The following GAK variants were observed in gnomAD, a reference collection of about 807,000 sequenced individuals.
GAK encodes cyclin G associated kinase.
In GAK, 79 loss-of-function variants were observed where a neutral mutation model predicts 143.9. That is an observed-to-expected ratio of 0.55 (90% CI 0.46 to 0.66). GAK has a LOEUF of 0.66. Among genes scored for constraint, GAK ranks in the 30% least tolerant of loss-of-function variants. The probability of loss-of-function intolerance (pLI) is 0.00; values close to 1 mark genes in which losing one functional copy is unlikely to be tolerated. For missense variants in GAK, 1,693 were observed against 1,779.7 expected (o/e 0.95, Z 0.88); for synonymous variants, 881 against 765.5 (o/e 1.15, Z -2.49).
At chr4:868,508 G>A (rs1051661137) in intron 20 of GAK, 31 bp downstream of exon 20, 16 of 1,594,846 alleles carry the variant, frequency 1.0e-5, no homozygotes, top group East Asian at 2.2e-5. Context: ...CCTGCCCTCT[G>A]CAAGTGGCCA....
chr4:912,701 A>G (rs1722256826), intron 3 of GAK, 34 bp downstream of exon 3: 2 of 1,596,090 alleles, frequency 1.3e-6, no homozygotes, highest in Non-Finnish European at 8.6e-7. Context: ...TGCCAAAGCC[A>G]CCGTGCTGGC....
intron 12 of GAK, among the ~76,000 whole-genome samples, chr4:883,677 G>A (rs998364082): frequency 6.6e-6 from 1 of 152,254 alleles, no homozygotes; most frequent in Non-Finnish European, 1.5e-5. Flanking sequence ...ATCAGCCGGT[G>A]GCTGGGACTT....
At chr4:896,277 A>T (rs958182746) in intron 7 of GAK, among the ~76,000 whole-genome samples, 183 bp downstream of exon 7, 1 of 152,144 alleles carries the variant, frequency 6.6e-6, no homozygotes, top group African/African-American at 2.4e-5. Context: ...CTCCAAAAAA[A>T]CCCAAAAAAA....
intron 5 of GAK, among the ~76,000 whole-genome samples, chr4:903,317 T>G (rs1314365209): frequency 6.6e-6 from 1 of 152,130 alleles, no homozygotes; most frequent in African/African-American, 2.4e-5. Flanking sequence ...ACAGGAGAGA[T>G]GGGCAGGAGA....
rs1560462459 is a variant in GAK, at chr4:932,234, G to T, written c.-47C>A. ...CGCGGCAGCCGGAGTGGTCGGGCTC[G>T]GGCTCCCGCTCCCTCGCCGTCCGGG... On this transcript the variant is annotated 5_prime_UTR_variant, in exon 1 of 28. Transcript: ENST00000314167. The surrounding 1 kb of genome is among the most constrained non-coding windows in gnomAD (Gnocchi z 4.0). The T allele has an allele frequency of 2.7e-6, 4 of 1,484,026 alleles. No individual in the cohort carries two copies. Among genetic ancestry groups the T allele is most frequent in the South Asian group, 1.3e-5 (1 of 76,294 alleles). 91.9% of individuals were successfully genotyped at this position (1,484,026 alleles called of 1,614,324 possible).
chr4:923,409 C>G (rs1724202424), intron 1 of GAK, among the ~76,000 whole-genome samples: 2 of 152,212 alleles, frequency 1.3e-5, no homozygotes, highest in Middle Eastern at 3.2e-3. Flanking sequence ...TGGCTGACAC[C>G]TGCAATCCCA....
chr4:891,140 T>G (rs1434922320), intron 9 of GAK, among the ~76,000 whole-genome samples: 1 of 152,108 alleles, frequency 6.6e-6, no homozygotes, highest in Non-Finnish European at 1.5e-5. Flanking sequence ...TTTTGTATTT[T>G]AGTAGAGATG....
At position 851,874 on chromosome 4, in the gene GAK, G is replaced by C; in HGVS notation, c.3384C>G (p.Gly1128=). 1 of 1,610,290 alleles carries C rather than the reference G, an allele frequency of 6.2e-7. No individual in the cohort carries two copies. Among genetic ancestry groups the C allele is most frequent in the Non-Finnish European group, 8.5e-7 (1 of 1,177,644 alleles). ...GCTTGGCCTGAGGGGGCCATGAGGC[G>C]CCCTGGGCTGGCGGCCGACTTGTCT... ...SWQTSRPPAQ[G]ASWPPQAKPP... is the part of the protein sequence containing the mutation. Residue 1128 remains glycine (G), a synonymous_variant, in exon 25 of 28, where the codon GGC becomes GGG. Transcript: ENST00000314167.
At chr4:913,486 T>C in intron 2 of GAK, 121 bp downstream of exon 2, 1 of 783,910 alleles carries the variant, frequency 1.3e-6, no homozygotes, top group Admixed American at 2.0e-5. Context: ...AAGGGACAAG[T>C]ATGTCCAGGC....
At chr4:863,343 G>A (rs1275486597) in intron 23 of GAK, among the ~76,000 whole-genome samples, 2 of 152,256 alleles carry the variant, frequency 1.3e-5, no homozygotes, top group East Asian at 3.8e-4. Context: ...TACTGAGATG[G>A]AATCGAGTCC....
intron 10 of GAK, among the ~76,000 whole-genome samples, chr4:889,813 C>G (rs960463644): frequency 7.2e-5 from 11 of 152,364 alleles, no homozygotes; most frequent in Admixed American, 3.3e-4. Flanking sequence ...CTGGAACACT[C>G]CCGGCACGGA....
At position 911,495 on chromosome 4, in the gene GAK, G is replaced by A. The variant is rs573793837; in HGVS notation, c.382+178C>T. Among the ~76,000 whole-genome samples the A allele has an allele frequency of 2.6e-4, 39 of 152,302 alleles. No homozygotes were observed. The East Asian group carries it at 5.2e-3, about 20-fold the overall frequency. ...CGGGACAGTGGGAAGCTCACTGGGC[G>A]TCAGCGTGGGCCTCTCACAGAACTA... On this transcript the variant is annotated intron_variant, in intron 4 of 27. Transcript: ENST00000314167.
At chr4:896,851 G>A (rs574902115) in intron 6 of GAK, among the ~76,000 whole-genome samples, 95 of 152,266 alleles carry the variant, frequency 6.2e-4, no homozygotes, top group Non-Finnish European at 1.1e-3. Context: ...CACCAAGTCC[G>A]CTTGCTGAGG....
At chr4:871,146 C>T (rs752332748) in intron 18 of GAK, among the ~76,000 whole-genome samples, 3 of 152,254 alleles carry the variant, frequency 2.0e-5, no homozygotes, top group Non-Finnish European at 2.9e-5. Context: ...AGCATCATTT[C>T]ACTCGCTCCT....
chr4:898,811 C>T (rs554798406), intron 5 of GAK, among the ~76,000 whole-genome samples: 5 of 152,130 alleles, frequency 3.3e-5, no homozygotes, highest in Admixed American at 1.3e-4. Flanking sequence ...TGCAGTGAAC[C>T]GAGATTGCGC....
At chr4:883,209 C>A (rs901687915) in intron 13 of GAK, 106 bp downstream of exon 13, 1 of 1,356,430 alleles carries the variant, frequency 7.4e-7, no homozygotes, top group Admixed American at 2.3e-5. Flanking sequence ...GACCTCCGGC[C>A]GCCCCCATCA....
rs1711525998 is a variant in GAK at position 868,412 on chromosome 4, A to T, written c.2395+127T>A. On this transcript the variant is annotated intron_variant, in intron 20 of 27. Transcript: ENST00000314167. ...GAACAGGCTGACATGCCGGGTGCACAGCCCCACTGAGGTGCAACTCAGCTC... is the reference window on the plus strand; with the variant it reads ...GAACAGGCTGACATGCCGGGTGCACTGCCCCACTGAGGTGCAACTCAGCTC... The T allele has an allele frequency of 7.2e-6, 6 of 828,232 alleles. No individual in the cohort carries two copies. The South Asian group carries it at 1.1e-4, about 15-fold the overall frequency. 51.3% of individuals were successfully genotyped at this position (828,232 alleles called of 1,614,324 possible).
Position 870,838 on chromosome 4 carries a change from C to T in GAK, c.2121G>A (p.Val707=), listed in dbSNP as rs764996996. 5.6e-6 allele frequency: 9 copies of T among 1,614,006 alleles called. No individual in the cohort carries two copies. The Admixed American group carries it at 1.3e-4, about 24-fold the overall frequency. The change falls in exon 19 of 28, where the codon GTG becomes GTA. Residue 707 remains valine (V), a synonymous_variant. Transcript: ENST00000314167. ...TCGGCCTGTCCCTGGGCTCCACCTC[C>T]ACTTCCAGGTTCACTTGAAATAAAT... The part of the protein sequence containing the change: ...YPDLFQVNLE[V]EVEPRDRPSR...
Position 849,492 on chromosome 4 carries a change from C to T in GAK, c.*181G>A, listed in dbSNP as rs1747670052. 1 of 587,202 alleles carries T rather than the reference C, an allele frequency of 1.7e-6. No individual in the cohort carries two copies. Among genetic ancestry groups the T allele is most frequent in the Non-Finnish European group, 3.1e-6 (1 of 323,308 alleles). 36.4% of individuals were successfully genotyped at this position (587,202 alleles called of 1,614,324 possible). A position where few individuals can be genotyped will look rare whatever the true frequency, so the allele number is the denominator to read the frequency against. On this transcript the variant is annotated 3_prime_UTR_variant, in exon 28 of 28. Transcript: ENST00000314167. ...GGGAGGAGAAAAAGGAAACAACAAT[C>T]AGAGGCTTTGGAATGCTTTCTCTTC...
Sources: gnomAD v4.1 joint callset for allele counts (sites outside exome capture counted in the v4.1 genomes callset) on GRCh38, gnomAD v4.1.1 for gene constraint, Gnocchi (gnomAD v3.1) non-coding constraint, MANE v1.5 for transcripts, NCBI Gene and HGNC (gene_info 2026-07-23, HGNC 2026-07-21) for gene names.